SYT9: variants seen among roughly 807,000 people sequenced by gnomAD.
SYT9 encodes the protein synaptotagmin 9, also known as synaptotagmin-9.
Under a neutral mutation model 48.4 loss-of-function variants are expected in SYT9, and 22 were observed. That is an observed-to-expected ratio of 0.45 (90% confidence interval 0.32 to 0.65). The LOEUF (loss-of-function observed/expected upper bound fraction) is 0.65, where lower values mean the gene tolerates loss of function less well. Ranked by LOEUF, SYT9 falls within the 30% of genes least tolerant of loss-of-function variation. SYT9 has a pLI of 0.03. For synonymous variants in SYT9, 265 were observed against 245.0 expected (o/e 1.08, Z -0.76); for missense variants, 577 against 622.0 (o/e 0.93, Z 0.77).
intron 3 of SYT9, among the ~76,000 whole-genome samples, chr11:7,395,110 C>T (rs1167049261): frequency 6.6e-6 from 1 of 151,776 alleles, no homozygotes; most frequent in Non-Finnish European, 1.5e-5. Context: ...TTTGGTGTAC[C>T]CATCACCCGA....
intron 6 of SYT9, among the ~76,000 whole-genome samples, chr11:7,425,351 A>G (rs1847434163): frequency 6.6e-6 from 1 of 152,202 alleles, no homozygotes; most frequent in Non-Finnish European, 1.5e-5. Context: ...GAGAGGCTTT[A>G]GCACTGTGGC....
chr11:7,459,067 T>A (rs7102318), intron 6 of SYT9, among the ~76,000 whole-genome samples: 47,471 of 152,104 alleles, frequency 0.31, 8,935 homozygotes, highest in African/African-American at 0.51. Context: ...TCTGGGTATA[T>A]TTTGAAGGGA....
chr11:7,415,988 T>C (rs746190311), intron 3 of SYT9, 54 bp from the exon 4 acceptor site: 2 of 1,612,124 alleles, frequency 1.2e-6, no homozygotes, highest in Non-Finnish European at 1.7e-6. Context: ...CTGAGCCTCT[T>C]GCACACCAGG....
chr11:7,329,205 A>C (rs188080920), intron 3 of SYT9, among the ~76,000 whole-genome samples: 44 of 151,994 alleles, frequency 2.9e-4, no homozygotes, highest in African/African-American at 9.9e-4. Flanking sequence ...TCTATCTTCC[A>C]TGTTTGTTTG....
intron 3 of SYT9, among the ~76,000 whole-genome samples, chr11:7,317,905 A>G (rs1849269745): frequency 1.3e-5 from 2 of 152,130 alleles, no homozygotes; most frequent in South Asian, 4.1e-4. Flanking sequence ...CATCCAGCCT[A>G]CCTCTATCTT....
chr11:7,459,064 A>G (rs1169717894), intron 6 of SYT9, among the ~76,000 whole-genome samples: 3 of 152,228 alleles, frequency 2.0e-5, no homozygotes, highest in African/African-American at 7.2e-5. Flanking sequence ...CATTCTGGGT[A>G]TATTTTGAAG....
intron 6 of SYT9, chr11:7,435,076 A>G (rs4417248): frequency 0.37 from 56,983 of 152,122 alleles, 10,823 homozygotes; most frequent in Middle Eastern, 0.48. Flanking sequence ...CAGGATAAGA[A>G]GGGGGAAAAT....
chr11:7,432,570 AAAAAAAAAAAAAATATATATACATAT>A (rs1847608335), intron 6 of SYT9, among the ~76,000 whole-genome samples: 8 of 16,886 alleles, frequency 4.7e-4, no homozygotes, highest in Non-Finnish European at 7.5e-4. Context: ...AAAAAAAAAA[AAAAAAAAAAAAAATATATATACATAT>A]ATATATATAT....
At chr11:7,358,961 T>C (rs1156327433) in intron 3 of SYT9, among the ~76,000 whole-genome samples, 2 of 152,194 alleles carry the variant, frequency 1.3e-5, no homozygotes, top group Non-Finnish European at 2.9e-5. Flanking sequence ...TAACTTGTCA[T>C]CTAGCATTAG....
intron 3 of SYT9, among the ~76,000 whole-genome samples, chr11:7,354,868 A>G (rs74808671): frequency 0.016 from 2,461 of 152,050 alleles, 80 homozygotes; most frequent in African/African-American, 0.057. Flanking sequence ...CAGTGATGGC[A>G]TTGCCTCTCA....
chr11:7,307,599 G>A (rs1849056121), intron 2 of SYT9, among the ~76,000 whole-genome samples: 1 of 152,164 alleles, frequency 6.6e-6, no homozygotes, highest in Non-Finnish European at 1.5e-5. Flanking sequence ...ATATAACCAT[G>A]CCCACAAAAG....
chr11:7,371,948 A>G (rs12421333), intron 3 of SYT9, among the ~76,000 whole-genome samples: 41,728 of 152,088 alleles, frequency 0.27, 6,590 homozygotes, highest in East Asian at 0.63. Flanking sequence ...TTTCTTGCTA[A>G]TATGAATACA....
Position 7,416,255 on chromosome 11 carries a change from T to C in SYT9, c.1165+93T>C. 4.7e-6 allele frequency: 7 copies of C among 1,489,116 alleles called. No individual in the cohort carries two copies. The South Asian group carries it at 8.5e-5, about 18-fold the overall frequency. The allele number at this position is 1,489,116 out of a possible 1,614,324, so 92.2% of individuals were successfully genotyped here. A position where few individuals can be genotyped will look rare whatever the true frequency, so the allele number is the denominator to read the frequency against. The stretch of plus-strand genomic sequence containing the variant: ...GTATGGTAATAAAGCACATTGACTC[T>C]GGAACCAGACTGCCTAGGCTTAGCC... On this transcript the variant is annotated intron_variant, in intron 4 of 6. Coordinates refer to ENST00000318881, the MANE Select transcript of SYT9 (RefSeq NM_175733.4).
chr11:7,455,815 C>T (rs950424901), intron 6 of SYT9, among the ~76,000 whole-genome samples: 6 of 152,340 alleles, frequency 3.9e-5, no homozygotes, highest in Admixed American at 6.5e-5. Flanking sequence ...ATGCATTCTA[C>T]AGCTGCTCTT....
At chr11:7,409,709 T>G (rs1847097032) in intron 3 of SYT9, among the ~76,000 whole-genome samples, 1 of 152,120 alleles carries the variant, frequency 6.6e-6, no homozygotes, top group African/African-American at 2.4e-5. Context: ...TGGTATCAGT[T>G]GTAATATCTC....
chr11:7,240,031 C>G (rs1412679570), intron 1 of SYT9, among the ~76,000 whole-genome samples: 5 of 152,078 alleles, frequency 3.3e-5, no homozygotes. Context: ...TCCTTACGGA[C>G]AAGGGTAGCA....
intron 6 of SYT9, chr11:7,438,682 C>T (rs1847763030): frequency 6.6e-6 from 1 of 152,276 alleles, no homozygotes; most frequent in Non-Finnish European, 1.5e-5. Flanking sequence ...TCTTTTGCCA[C>T]CATCCAAGCC....
intron 1 of SYT9, among the ~76,000 whole-genome samples, chr11:7,255,750 C>T (rs984682049): frequency 1.3e-5 from 2 of 152,096 alleles, no homozygotes; most frequent in African/African-American, 4.8e-5. Flanking sequence ...GGAGGGAAAT[C>T]ATGAGGTTTA....
chr11:7,289,874 C>A (rs1357375221), intron 1 of SYT9, among the ~76,000 whole-genome samples: 1 of 152,154 alleles, frequency 6.6e-6, no homozygotes, highest in African/African-American at 2.4e-5. Flanking sequence ...TTAGAAGAAG[C>A]CATCTTATTT....
Sources: allele counts gnomAD v4.1 joint callset (sites outside exome capture counted in the v4.1 genomes callset), GRCh38; gene constraint gnomAD v4.1.1; transcripts MANE v1.5; gene names NCBI Gene and HGNC (gene_info 2026-07-23, HGNC 2026-07-21).